The following CHD1L variants were observed in gnomAD, a reference collection of about 807,000 sequenced individuals.
CHD1L encodes chromodomain helicase DNA binding protein 1 like.
In CHD1L, 118 loss-of-function variants were observed where a neutral mutation model predicts 115.9. That is an observed-to-expected ratio of 1.02 (90% CI 0.88 to 1.19). The LOEUF (loss-of-function observed/expected upper bound fraction) is 1.19, where lower values mean the gene tolerates loss of function less well. CHD1L is among the 50% of genes most tolerant of loss of function. CHD1L has a pLI of 0.00. For missense variants in CHD1L, 1,179 were observed against 1,065.3 expected (o/e 1.11, Z -1.49); for synonymous variants, 411 against 387.1 (o/e 1.06, Z -0.72).
In CHD1L at chr1:147,272,300, G is replaced by T. The variant is rs1553954011; in HGVS notation, c.1270+19G>T. 2 of 1,507,866 alleles carry T rather than the reference G, an allele frequency of 1.3e-6. No individual in the cohort carries two copies. Among genetic ancestry groups the T allele is most frequent in the Admixed American group, 1.7e-5 (1 of 59,838 alleles). 93.4% of individuals were successfully genotyped at this position (1,507,866 alleles called of 1,614,324 possible). A position where few individuals can be genotyped will look rare whatever the true frequency, so the allele number is the denominator to read the frequency against. ...AGGGCAGGTAGGCTGCAAAGGCATTGATGGAAACAGACAAATGAGGGATAA... is the reference window on the plus strand; with the variant it reads ...AGGGCAGGTAGGCTGCAAAGGCATTTATGGAAACAGACAAATGAGGGATAA... On this transcript the variant is annotated intron_variant, in intron 12 of 22. Transcript: ENST00000369258.
the CHD1L span, among the ~76,000 whole-genome samples, chr1:147,208,146 G>T: frequency 4.7e-4 from 67 of 141,338 alleles, 1 homozygote; most frequent in African/African-American, 1.8e-3. Flanking sequence ...TCAGAAAGGT[G>T]AGTGTTATTT....
At chr1:147,243,032 C>T (rs1381525598) in intron 1 of CHD1L, 6 of 532,244 alleles carry the variant, frequency 1.1e-5, no homozygotes, top group Admixed American at 4.6e-5. Flanking sequence ...CGCGCGGGGC[C>T]GGCGGACGCC....
chr1:147,197,536 C>T, the CHD1L span, among the ~76,000 whole-genome samples: 87 of 152,156 alleles, frequency 5.7e-4, no homozygotes, highest in Non-Finnish European at 1.1e-3. Flanking sequence ...TACTCTCATA[C>T]TGCTCATGCT....
chr1:147,291,847 A>C (rs1305461937), intron 20 of CHD1L, among the ~76,000 whole-genome samples: 1 of 152,144 alleles, frequency 6.6e-6, no homozygotes, highest in Non-Finnish European at 1.5e-5. Context: ...CTGTGTGTCC[A>C]GATTTCCTTT....
At chr1:147,236,034 A>G in the CHD1L span, among the ~76,000 whole-genome samples, 1 of 152,128 alleles carries the variant, frequency 6.6e-6, no homozygotes, top group African/African-American at 2.4e-5. Flanking sequence ...GGGGTGTGTG[A>G]GCAAATATGA....
At chr1:147,233,433 C>A in the CHD1L span, among the ~76,000 whole-genome samples, 1 of 47,352 alleles carries the variant, frequency 2.1e-5, no homozygotes, top group South Asian at 9.4e-4. Context: ...GGGGGTCAGC[C>A]CCCCCGCCCG....
At position 147,293,685 on chromosome 1, in the gene CHD1L, C is replaced by T; in HGVS notation, c.2469C>T (p.Gly823=). ...TTAAGATGGCAGCCCTAGAAGAGGG[C>T]CTGAAGAAGATATTTTTAGCAGCAA... ...SGIKMAALEE[G]LKKIFLAAKK... is the part of the protein sequence containing the mutation. The change falls in exon 21 of 23, where the codon GGC becomes GGT. Residue 823 remains glycine (G), a synonymous_variant. Transcript: ENST00000369258. 6.2e-7 allele frequency: 1 copy of T among 1,613,940 alleles called. No individual in the cohort carries two copies. The highest frequency in any genetic ancestry group is 8.5e-7 in the Non-Finnish European group (1 of 1,179,900).
At chr1:147,186,957 T>C in the CHD1L span, 1 of 1,614,166 alleles carries the variant, frequency 6.2e-7, no homozygotes, top group Non-Finnish European at 8.5e-7. Flanking sequence ...ACTTGCCTAT[T>C]GTCATTGTTG....
chr1:147,270,197 G>C (rs917523747), intron 10 of CHD1L, among the ~76,000 whole-genome samples: 1 of 152,146 alleles, frequency 6.6e-6, no homozygotes, highest in African/African-American at 2.4e-5. Flanking sequence ...TTTTTATAAT[G>C]AGAATATTGT....
chr1:147,222,872 T>C, the CHD1L span, among the ~76,000 whole-genome samples: 8 of 152,200 alleles, frequency 5.3e-5, no homozygotes, highest in Non-Finnish European at 7.3e-5. Flanking sequence ...CCATCCTCAA[T>C]TGATTTCATG....
chr1:147,256,100 G>A (rs369158010), intron 4 of CHD1L, among the ~76,000 whole-genome samples, 173 bp downstream of exon 4: 79 of 152,248 alleles, frequency 5.2e-4, no homozygotes, highest in African/African-American at 1.9e-3. Flanking sequence ...AAGGATCATT[G>A]TGCTTCAGAT....
At chr1:147,207,163 A>G in the CHD1L span, among the ~76,000 whole-genome samples, 3 of 152,116 alleles carry the variant, frequency 2.0e-5, no homozygotes, top group African/African-American at 7.2e-5. Flanking sequence ...CCTTTTTCTT[A>G]TACAATATAC....
chr1:147,267,403 C>G (rs782597444), intron 8 of CHD1L, 23 bp from the exon 9 acceptor site: 10 of 1,576,700 alleles, frequency 6.3e-6, no homozygotes, highest in Non-Finnish European at 6.1e-6. Context: ...CTTTCTGTCT[C>G]TCTCTTTTTT....
chr1:147,237,684 C>T (rs1220131003), upstream of CHD1L, among the ~76,000 whole-genome samples: 1 of 152,140 alleles, frequency 6.6e-6, no homozygotes, highest in African/African-American at 2.4e-5. Flanking sequence ...ATCAATATGT[C>T]ACAAAAGTTA....
At chr1:147,205,880 C>T in the CHD1L span, among the ~76,000 whole-genome samples, 2 of 152,028 alleles carry the variant, frequency 1.3e-5, no homozygotes, top group Non-Finnish European at 2.9e-5. Context: ...TCTAAAACAC[C>T]AAAAGCCATG....
chr1:147,236,553 T>C, the CHD1L span, among the ~76,000 whole-genome samples: 2 of 152,074 alleles, frequency 1.3e-5, no homozygotes, highest in African/African-American at 2.4e-5. Flanking sequence ...GGTTGTCCCA[T>C]TGAGTGTTCA....
At chr1:147,277,121 TAAG>T (rs782096410) in intron 14 of CHD1L, among the ~76,000 whole-genome samples, 50 of 152,046 alleles carry the variant, frequency 3.3e-4, no homozygotes, top group Admixed American at 5.9e-4. Context: ...GAAAGGAAAA[TAAG>T]AAGTAGGGCA....
chr1:147,250,537 C>T (rs1245463673), intron 1 of CHD1L, among the ~76,000 whole-genome samples: 1 of 152,110 alleles, frequency 6.6e-6, no homozygotes, highest in Non-Finnish European at 1.5e-5. Flanking sequence ...TCTACTGATC[C>T]TGCAGGGGAA....
intron 11 of CHD1L, 31 bp from the exon 12 acceptor site, chr1:147,272,140 A>C: frequency 6.4e-7 from 1 of 1,572,738 alleles, no homozygotes; most frequent in Non-Finnish European, 8.7e-7. Flanking sequence ...GAAAAGGGTT[A>C]AGATTTCTGT....
Sources: allele counts gnomAD v4.1 joint callset (sites outside exome capture counted in the v4.1 genomes callset), GRCh38; gene constraint gnomAD v4.1.1; transcripts MANE v1.5; gene names NCBI Gene and HGNC (gene_info 2026-07-23, HGNC 2026-07-21).